Variants in TUBA8 observed in about 807,000 individuals in gnomAD.
TUBA8 encodes the protein tubulin alpha 8, also known as tubulin alpha-8 chain.
TUBA8 carries 29 observed loss-of-function variants against 34.7 expected under a neutral mutation model. The observed-to-expected ratio is 0.84, with a 90% CI of 0.62 to 1.14. The LOEUF (loss-of-function observed/expected upper bound fraction) is 1.14, where lower values mean the gene tolerates loss of function less well. Among genes scored for constraint, TUBA8 ranks in the 50% most tolerant of loss-of-function variants. The pLI is 0.00. For synonymous variants in TUBA8, 226 were observed against 231.2 expected, an observed-to-expected ratio of 0.98 and a Z score of 0.21; for missense variants, 541 against 599.2, an observed-to-expected ratio of 0.90 and a Z score of 1.01.
At position 18,126,359 on chromosome 22, in the gene TUBA8, T is replaced by C. The variant is rs145002927; in HGVS notation, c.381T>C (p.Asp127=). Reference sequence around the variant, plus strand: ...TCATGTCCTGCTCTCCCTAGACAGATGCTTGCTCTGGCCTGCAGGGCTTCC... The same window carrying C: ...TCATGTCCTGCTCTCCCTAGACAGACGCTTGCTCTGGCCTGCAGGGCTTCC... ...LVLDRIRKLT[D]ACSGLQGFLI... Residue 127 remains aspartate (D), a synonymous_variant, in exon 4 of 5, where the codon GAT becomes GAC. Coordinates refer to ENST00000330423, the MANE Select transcript of TUBA8 (RefSeq NM_018943.3). This position sits in a 1 kb window ranked among gnomAD's most constrained non-coding sequence, Gnocchi z 4.0. 1 of 1,614,084 alleles carries C rather than the reference T, an allele frequency of 6.2e-7. No individual in the cohort carries two copies. The highest frequency in any genetic ancestry group is 1.3e-5 in the African/African-American group (1 of 74,938).
chr22:18,125,153 T>C (rs565977022), intron 3 of TUBA8: 1 of 152,298 alleles, frequency 6.6e-6, no homozygotes, highest in Admixed American at 6.5e-5. Context: ...GCTCAGCATG[T>C]TATGCTATTT....
Position 18,110,827 on chromosome 22 carries a change from G to A in TUBA8, c.-39G>A. 6.5e-7 allele frequency: 1 copy of A among 1,539,040 alleles called. No individual in the cohort carries two copies. Among genetic ancestry groups the A allele is most frequent in the Non-Finnish European group, 8.7e-7 (1 of 1,148,224 alleles). ...TATCTGGAGCAGTCGGGGCGGGCAG[G>A]CCCAGCTGAGAGGTGCGCGGGCGAG... is the stretch of plus-strand genomic sequence containing the variant. On this transcript the variant is annotated 5_prime_UTR_variant, in exon 1 of 5. Coordinates refer to ENST00000330423, the MANE Select transcript of TUBA8 (RefSeq NM_018943.3). This position sits in a 1 kb window ranked among gnomAD's most constrained non-coding sequence, Gnocchi z 6.2.
chr22:18,124,026 G>T lies in TUBA8; in HGVS notation c.227-130G>T. 9.0e-7 allele frequency: 1 copy of T among 1,105,906 alleles called. No homozygotes were observed. The highest frequency in any genetic ancestry group is 2.4e-5 in the East Asian group (1 of 40,996). The allele number at this position is 1,105,906 out of a possible 1,614,324, so 68.5% of individuals were successfully genotyped here. Reference sequence around the variant, plus strand: ...TTAGCCTTTTGCAGATTCATTACGAGGTGGTCTGGCTTCAAACCTCCATGG... The same window carrying T: ...TTAGCCTTTTGCAGATTCATTACGATGTGGTCTGGCTTCAAACCTCCATGG... On this transcript the variant is annotated intron_variant, in intron 2 of 4. Transcript: ENST00000330423. This position sits in a 1 kb window ranked among gnomAD's most constrained non-coding sequence, Gnocchi z 4.3.
chr22:18,129,128 ACAGTTCTAAT>A (rs1928423047), intron 4 of TUBA8: 2 of 152,302 alleles, frequency 1.3e-5, no homozygotes, highest in African/African-American at 2.4e-5. Flanking sequence ...TTTTTATGTG[ACAGTTCTAAT>A]CATCCTGGCA....
chr22:18,130,225 A>T (rs1360655717), intron 4 of TUBA8: 1 of 152,262 alleles, frequency 6.6e-6, no homozygotes, highest in Non-Finnish European at 1.5e-5. Flanking sequence ...TCAGATGACC[A>T]CTTGGGAGAG....
intron 1 of TUBA8, chr22:18,116,233 A>G (rs988775811): frequency 6.6e-6 from 1 of 152,202 alleles, no homozygotes; most frequent in African/African-American, 2.4e-5. Context: ...CCCATGAGCC[A>G]TTCGCCATTT....
In TUBA8 at chr22:18,121,803, G is replaced by A; in HGVS notation, c.226+102G>A. 3.3e-6 allele frequency: 4 copies of A among 1,222,470 alleles called. No individual in the cohort carries two copies. The highest frequency in any genetic ancestry group is 4.7e-6 in the Non-Finnish European group (4 of 857,126). The allele number at this position is 1,222,470 out of a possible 1,614,324, so 75.7% of individuals were successfully genotyped here. A position where few individuals can be genotyped will look rare whatever the true frequency, so the allele number is the denominator to read the frequency against. ...GCAGCGTCTCTAGCTGGAAGGTGGG[G>A]ATGGTGCAACCGCAGCCTCCCACCC... On this transcript the variant is annotated intron_variant, in intron 2 of 4. Transcript: ENST00000330423. This position sits in a 1 kb window ranked among gnomAD's most constrained non-coding sequence, Gnocchi z 4.8.
rs747245549 is a variant in TUBA8 at position 18,131,077 on chromosome 22, G to T, written c.1291G>T (p.Asp431Tyr). ...GGAAGACTTAGCTGCCCTGGAGAAG[G>T]ATTATGAAGAAGTGGGGACTGATTC... is the stretch of plus-strand genomic sequence containing the variant. Reference protein sequence around the residue: ...AREDLAALEKDYEEVGTDSFE... With the variant: ...AREDLAALEKYYEEVGTDSFE... The change falls in exon 5 of 5, where the codon GAT becomes TAT. Residue 431 changes from aspartate to tyrosine, a missense_variant. Physicochemically the swap from Asp to Tyr is radical, Grantham distance 160. Coordinates refer to ENST00000330423, the MANE Select transcript of TUBA8 (RefSeq NM_018943.3). The surrounding 1 kb of genome is among the most constrained non-coding windows in gnomAD (Gnocchi z 5.3). The T allele has an allele frequency of 8.7e-6, 14 of 1,614,218 alleles. No homozygotes were observed. The South Asian group carries it at 1.5e-4, about 18-fold the overall frequency.
chr22:18,127,747 G>T (rs1928384093), intron 4 of TUBA8: 1 of 144,160 alleles, frequency 6.9e-6, no homozygotes, highest in South Asian at 2.2e-4. Flanking sequence ...ACCAAGGCTG[G>T]AGTGCAGTGG....
chr22:18,112,488 G>T (rs544141039), intron 1 of TUBA8: 1 of 152,308 alleles, frequency 6.6e-6, no homozygotes, highest in South Asian at 2.1e-4. Context: ...GCTTTAATTT[G>T]GATCTGAATG....
Position 18,131,030 on chromosome 22 carries a change from A to T in TUBA8, c.1244A>T (p.Glu415Val), listed in dbSNP as rs1928493180. The T allele has an allele frequency of 6.2e-7, 1 of 1,614,176 alleles. No homozygotes were observed. Among genetic ancestry groups the T allele is most frequent in the East Asian group, 2.2e-5 (1 of 44,880 alleles). Residue 415 changes from glutamate to valine, a missense_variant, in exon 5 of 5, where the codon GAA (glutamate) becomes GTA (valine). Transcript: ENST00000330423. The surrounding 1 kb of genome is among the most constrained non-coding windows in gnomAD (Gnocchi z 5.3). ...VHWYVGEGME[E>V]GEFSEAREDL... ...TGGTATGTGGGAGAGGGGATGGAAG[A>T]AGGAGAATTTTCTGAGGCCAGGGAA... is the stretch of plus-strand genomic sequence containing the variant.
intron 1 of TUBA8, chr22:18,114,819 T>C (rs935740598): frequency 3.3e-5 from 5 of 152,194 alleles, no homozygotes; most frequent in Non-Finnish European, 5.9e-5. Flanking sequence ...ATGCCACTTT[T>C]ACTGTCTTGT....
intron 4 of TUBA8, chr22:18,127,240 T>C (rs993217274): frequency 2.1e-5 from 12 of 579,320 alleles, no homozygotes; most frequent in East Asian, 5.7e-5. Context: ...TTTAGAAAAG[T>C]TTGGTGCTAT....
chr22:18,116,670 T>C (rs1927985042), intron 1 of TUBA8: 1 of 152,272 alleles, frequency 6.6e-6, no homozygotes, highest in African/African-American at 2.4e-5. Flanking sequence ...CTGGTTATGA[T>C]AGAAGGATGC....
rs1377297897 is a variant in TUBA8 at position 18,126,123 on chromosome 22, A to G, written c.376-231A>G. 1 of 561,124 alleles carries G rather than the reference A, an allele frequency of 1.8e-6. No homozygotes were observed. The allele number at this position is 561,124 out of a possible 1,614,324, so 34.8% of individuals were successfully genotyped here. The stretch of plus-strand genomic sequence containing the variant: ...ATGGATCCTCCTGCCTCAGCTTCCC[A>G]AACTGCTGGGATTACAGGCATTGAG... On this transcript the variant is annotated intron_variant, in intron 3 of 4. Coordinates refer to ENST00000330423, the MANE Select transcript of TUBA8 (RefSeq NM_018943.3). The surrounding 1 kb of genome is among the most constrained non-coding windows in gnomAD (Gnocchi z 4.0).
intron 4 of TUBA8, chr22:18,129,018 G>T (rs1252145224): frequency 6.6e-6 from 1 of 152,220 alleles, no homozygotes; most frequent in Non-Finnish European, 1.5e-5. Flanking sequence ...ATGGGTCTGA[G>T]GCTTTGACCT....
Position 18,131,470 on chromosome 22 carries a change from G to A in TUBA8, c.*334G>A. On this transcript the variant is annotated 3_prime_UTR_variant, in exon 5 of 5. Transcript: ENST00000330423. The surrounding 1 kb of genome is among the most constrained non-coding windows in gnomAD (Gnocchi z 5.3). ...TGGGTCCAGCCCCAAAACATGGCCT[G>A]CTGGCTGGGGAGTGGGAACACTCAG... is the stretch of plus-strand genomic sequence containing the variant. 2.9e-6 allele frequency: 1 copy of A among 344,824 alleles called. No homozygotes were observed. Among genetic ancestry groups the A allele is most frequent in the South Asian group, 2.8e-5 (1 of 35,918 alleles). 21.4% of individuals were successfully genotyped at this position (344,824 alleles called of 1,614,324 possible). A position where few individuals can be genotyped will look rare whatever the true frequency, so the allele number is the denominator to read the frequency against.
In TUBA8 at chr22:18,121,388, C is replaced by T. The variant is rs774031421; in HGVS notation, c.4-91C>T. ...CTGGCAATGGGGGGCTGGGGCCTGG[C>T]TGGCCTGCAAGGTGAATGTTATGGG... On this transcript the variant is annotated intron_variant, in intron 1 of 4. Transcript: ENST00000330423. This position sits in a 1 kb window ranked among gnomAD's most constrained non-coding sequence, Gnocchi z 4.8. 2 of 1,190,264 alleles carry T rather than the reference C, an allele frequency of 1.7e-6. No individual in the cohort carries two copies. Among genetic ancestry groups the T allele is most frequent in the Non-Finnish European group, 2.5e-6 (2 of 797,482 alleles). 73.7% of individuals were successfully genotyped at this position (1,190,264 alleles called of 1,614,324 possible). A position where few individuals can be genotyped will look rare whatever the true frequency, so the allele number is the denominator to read the frequency against.
rs1221139037 is a variant in TUBA8, at chr22:18,121,395, G to T, written c.4-84G>T. The T allele has an allele frequency of 7.8e-7, 1 of 1,282,086 alleles. No individual in the cohort carries two copies. The highest frequency in any genetic ancestry group is 1.1e-6 in the Non-Finnish European group (1 of 879,354). 79.4% of individuals were successfully genotyped at this position (1,282,086 alleles called of 1,614,324 possible). A position where few individuals can be genotyped will look rare whatever the true frequency, so the allele number is the denominator to read the frequency against. On this transcript the variant is annotated intron_variant, in intron 1 of 4. Coordinates refer to ENST00000330423, the MANE Select transcript of TUBA8 (RefSeq NM_018943.3). The surrounding 1 kb of genome is among the most constrained non-coding windows in gnomAD (Gnocchi z 4.8). ...TGGGGGGCTGGGGCCTGGCTGGCCT[G>T]CAAGGTGAATGTTATGGGGATGTAG... is the stretch of plus-strand genomic sequence containing the variant.
Sources: allele counts gnomAD v4.1 joint callset, GRCh38; gene constraint gnomAD v4.1.1; non-coding constraint Gnocchi (gnomAD v3.1); transcripts MANE v1.5; gene names NCBI Gene and HGNC (gene_info 2026-07-23, HGNC 2026-07-21).